The following CELF5 variants were observed in gnomAD, a reference collection of about 807,000 sequenced individuals.
CELF5 encodes CUGBP Elav-like family member 5, also known as CUG-BP and ETR-3 like factor 5.
CELF5 carries 6 observed loss-of-function variants against 54.9 expected under a neutral mutation model. The ratio of observed to expected loss-of-function variants is 0.11; its 90% CI spans 0.06 to 0.22. The LOEUF is 0.22. Ranked by LOEUF, CELF5 falls within the 10% of genes least tolerant of loss-of-function variation. The probability of loss-of-function intolerance (pLI) is 1.00; values close to 1 mark genes in which losing one functional copy is unlikely to be tolerated. For synonymous variants in CELF5, 271 were observed against 290.9 expected (o/e 0.93, Z 0.70); for missense variants, 401 against 678.6 (o/e 0.59, Z 4.54).
chr19:3,253,128 C>T (rs1441859314), intron 2 of CELF5, among the ~76,000 whole-genome samples: 1 of 151,724 alleles, frequency 6.6e-6, no homozygotes, highest in African/African-American at 2.4e-5. Context: ...AAAGAAATCC[C>T]ACAACCGAAC....
At position 3,277,862 on chromosome 19, in the gene CELF5, C is replaced by G. The variant is rs545078979; in HGVS notation, c.524-169C>G. Among the ~76,000 whole-genome samples, 7 of 152,272 alleles carry G rather than the reference C, an allele frequency of 4.6e-5. No homozygotes were observed. The South Asian group carries it at 1.5e-3, about 32-fold the overall frequency. On this transcript the variant is annotated intron_variant, in intron 4 of 12. Coordinates refer to ENST00000292672, the MANE Select transcript of CELF5 (RefSeq NM_021938.4). ...CTGACCCTTGATCTGGCTGATTGTC[C>G]AGCTGTCCGTCTGAGCAAACGGCTG...
Position 3,281,053 on chromosome 19 carries a change from C to T in CELF5, c.604-146C>T. On this transcript the variant is annotated intron_variant, in intron 5 of 12. Transcript: ENST00000292672. The surrounding 1 kb of genome is among the most constrained non-coding windows in gnomAD (Gnocchi z 6.5). ...GCGGTCCTCGCTGTGGCCCTGGCTC[C>T]TGGGGTGGGGGCCCGTGGACATGGC... is the stretch of plus-strand genomic sequence containing the variant. 1.0e-6 allele frequency: 1 copy of T among 965,634 alleles called. No homozygotes were observed. The highest frequency in any genetic ancestry group is 1.6e-6 in the Non-Finnish European group (1 of 640,618). 59.8% of individuals were successfully genotyped at this position (965,634 alleles called of 1,614,324 possible). A position where few individuals can be genotyped will look rare whatever the true frequency, so the allele number is the denominator to read the frequency against.
intron 1 of CELF5, among the ~76,000 whole-genome samples, chr19:3,229,797 G>A (rs1186096885): frequency 6.6e-6 from 1 of 152,166 alleles, no homozygotes; most frequent in East Asian, 1.9e-4. Flanking sequence ...ACGGGGAAAG[G>A]TGTTCCTGAC....
intron 1 of CELF5, among the ~76,000 whole-genome samples, chr19:3,226,943 T>C (rs1916956726): frequency 6.6e-6 from 1 of 151,842 alleles, no homozygotes; most frequent in African/African-American, 2.4e-5. Context: ...GGTTGGAGAA[T>C]GTTGGGGTCC....
intron 2 of CELF5, among the ~76,000 whole-genome samples, chr19:3,252,915 A>T (rs947289902): frequency 6.6e-6 from 1 of 151,954 alleles, no homozygotes; most frequent in East Asian, 1.9e-4. Context: ...TGCTCAGTGG[A>T]GGGCTTCACT....
Position 3,228,806 on chromosome 19 carries a change from G to A in CELF5, c.259+3808G>A, listed in dbSNP as rs992257815. On this transcript the variant is annotated intron_variant, in intron 1 of 12. Transcript: ENST00000292672. This position sits in a 1 kb window ranked among gnomAD's most constrained non-coding sequence, Gnocchi z 6.0. Reference sequence around the variant, plus strand: ...GCGGCCTGGCGGGGGGACCGCGGGAGCAGTTGGCACCCCTGGTGGTGGCGG... The same window carrying A: ...GCGGCCTGGCGGGGGGACCGCGGGAACAGTTGGCACCCCTGGTGGTGGCGG... 1.3e-5 allele frequency among the ~76,000 whole-genome samples: 2 copies of A among 151,922 alleles called. No homozygotes were observed. The highest frequency in any genetic ancestry group is 2.9e-5 in the Non-Finnish European group (2 of 67,944).
At chr19:3,293,638 G>T in intron 12 of CELF5, 152 bp downstream of exon 12, 1 of 652,134 alleles carries the variant, frequency 1.5e-6, no homozygotes, top group Admixed American at 3.0e-5. Context: ...CGGGGACAGA[G>T]CTGGATGTAG....
At chr19:3,232,328 G>A (rs898614496) in intron 1 of CELF5, among the ~76,000 whole-genome samples, 5 of 152,172 alleles carry the variant, frequency 3.3e-5, no homozygotes, top group African/African-American at 7.2e-5. Flanking sequence ...GTTGAGGTGG[G>A]AGGATCCCTT....
At chr19:3,292,380 C>A (rs1001656841) in intron 11 of CELF5, among the ~76,000 whole-genome samples, 2 of 150,202 alleles carry the variant, frequency 1.3e-5, no homozygotes, top group Non-Finnish European at 3.0e-5. Context: ...ATCTCCCAGG[C>A]TCAAGCGATT....
At chr19:3,248,901 CCTTCCTTTCTTT>C (rs1484542192) in intron 1 of CELF5, among the ~76,000 whole-genome samples, 48 of 104,294 alleles carry the variant, frequency 4.6e-4, no homozygotes, top group African/African-American at 1.4e-3. Flanking sequence ...TTCCTTCCTT[CCTTCCTTTCTTT>C]CTTTCTTTCT....
intron 2 of CELF5, among the ~76,000 whole-genome samples, chr19:3,271,800 G>A (rs1035097882): frequency 1.3e-5 from 2 of 152,038 alleles, no homozygotes; most frequent in Non-Finnish European, 2.9e-5. Flanking sequence ...TGGGCACGGA[G>A]CTGGAACGGG....
rs920620439 is a variant in CELF5, at chr19:3,228,027, G to A, written c.259+3029G>A. Among the ~76,000 whole-genome samples, 18 of 152,214 alleles carry A rather than the reference G, an allele frequency of 1.2e-4. No individual in the cohort carries two copies. Among genetic ancestry groups the A allele is most frequent in the African/African-American group, 4.1e-4 (17 of 41,526 alleles). Reference sequence around the variant, plus strand: ...AAGGCAGGAGGCCTCATCCAGGAGCGGGGCAGGGGTAGGGGGAGAGGGATG... The same window carrying A: ...AAGGCAGGAGGCCTCATCCAGGAGCAGGGCAGGGGTAGGGGGAGAGGGATG... On this transcript the variant is annotated intron_variant, in intron 1 of 12. Transcript: ENST00000292672. This position sits in a 1 kb window ranked among gnomAD's most constrained non-coding sequence, Gnocchi z 6.0.
At chr19:3,256,336 C>T (rs2079725535) in intron 2 of CELF5, among the ~76,000 whole-genome samples, 1 of 151,980 alleles carries the variant, frequency 6.6e-6, no homozygotes, top group South Asian at 2.1e-4. Context: ...GCTCTGACTC[C>T]CCCAGATTGG....
intron 2 of CELF5, among the ~76,000 whole-genome samples, chr19:3,265,259 G>A (rs1408531514): frequency 6.6e-6 from 1 of 152,208 alleles, no homozygotes; most frequent in Non-Finnish European, 1.5e-5. Flanking sequence ...GAGCATTTGA[G>A]CCCAGGAGAT....
intron 1 of CELF5, among the ~76,000 whole-genome samples, chr19:3,237,938 A>G (rs1215100779): frequency 1.3e-5 from 2 of 151,970 alleles, no homozygotes; most frequent in Non-Finnish European, 2.9e-5. Flanking sequence ...AGTCCCAGCT[A>G]CTCGGGAGGC....
chr19:3,278,164 G>C lies in CELF5; in HGVS notation c.603+54G>C, dbSNP rs2080087374. On this transcript the variant is annotated intron_variant, in intron 5 of 12. Transcript: ENST00000292672. This position sits in a 1 kb window ranked among gnomAD's most constrained non-coding sequence, Gnocchi z 4.5. ...GGTGGGGGTGGGAAAGGGGTGAGGG[G>C]GACAGGGATGAAACAGGCCATATTC... The C allele has an allele frequency of 8.9e-7, 1 of 1,120,508 alleles. No homozygotes were observed. Among genetic ancestry groups the C allele is most frequent in the African/African-American group, 1.5e-5 (1 of 65,044 alleles). 69.4% of individuals were successfully genotyped at this position (1,120,508 alleles called of 1,614,324 possible).
chr19:3,280,089 A>G (rs767009534), intron 5 of CELF5, among the ~76,000 whole-genome samples: 4 of 152,172 alleles, frequency 2.6e-5, no homozygotes, highest in Non-Finnish European at 5.9e-5. Flanking sequence ...CGCTGCTTCG[A>G]CTGCCCAGGG....
At chr19:3,245,478 T>A (rs2079554744) in intron 1 of CELF5, among the ~76,000 whole-genome samples, 1 of 151,228 alleles carries the variant, frequency 6.6e-6, no homozygotes, top group South Asian at 2.1e-4. Context: ...ACCCTGGGGC[T>A]GATGGCCTTA....
At position 3,275,662 on chromosome 19, in the gene CELF5, G is replaced by A. The variant is rs2080036074; in HGVS notation, c.395-194G>A. Reference sequence around the variant, plus strand: ...GGAGATGGGAGCGTGCAGGGCCCGTGGGAGGGTGGAGAGATCCGGGGCAGG... The same window carrying A: ...GGAGATGGGAGCGTGCAGGGCCCGTAGGAGGGTGGAGAGATCCGGGGCAGG... On this transcript the variant is annotated intron_variant, in intron 3 of 12. Transcript: ENST00000292672. The surrounding 1 kb of genome is among the most constrained non-coding windows in gnomAD (Gnocchi z 6.7). Among the ~76,000 whole-genome samples, 1 of 151,350 alleles carries A rather than the reference G, an allele frequency of 6.6e-6. No homozygotes were observed. Among genetic ancestry groups the A allele is most frequent in the South Asian group, 2.1e-4 (1 of 4,806 alleles).
Sources: gnomAD v4.1 joint callset for allele counts (sites outside exome capture counted in the v4.1 genomes callset) on GRCh38, gnomAD v4.1.1 for gene constraint, Gnocchi (gnomAD v3.1) non-coding constraint, MANE v1.5 for transcripts, NCBI Gene and HGNC (gene_info 2026-07-23, HGNC 2026-07-21) for gene names.